The following ECM1 variants were observed in gnomAD, a reference collection of about 807,000 sequenced individuals.
The protein encoded by ECM1 is secretory component p85.
A neutral mutation model predicts 57.9 loss-of-function variants in ECM1; 54 were observed. That is an observed-to-expected ratio of 0.93 (90% CI 0.75 to 1.17). The LOEUF (loss-of-function observed/expected upper bound fraction) is 1.17, where lower values mean the gene tolerates loss of function less well. Among genes scored for constraint, ECM1 ranks in the 50% most tolerant of loss-of-function variants. ECM1 has a pLI of 0.00. For synonymous variants in ECM1, 237 were observed against 259.1 expected (o/e 0.91, Z 0.82); for missense variants, 649 against 688.1 (o/e 0.94, Z 0.64).
At position 150,513,387 on chromosome 1, in the gene ECM1, G is replaced by A; in HGVS notation, c.1543G>A (p.Glu515Lys). The change falls in exon 10 of 10, where the codon GAG (glutamate) becomes AAG (lysine). Residue 515 changes from glutamate to lysine, a missense_variant. Transcript: ENST00000369047. ...RNVALVSGDTENAKGQGEQGS... is the reference protein window; with the variant it reads ...RNVALVSGDTKNAKGQGEQGS... ...CGTGGCTCTAGTGTCTGGAGACACT[G>A]AGAACGCCAAGGGCCAGGGGGAGCA... 8 of 1,614,198 alleles carry A rather than the reference G, an allele frequency of 5.0e-6. No individual in the cohort carries two copies. The highest frequency in any genetic ancestry group is 6.8e-6 in the Non-Finnish European group (8 of 1,180,026).
intron 9 of ECM1, 140 bp from the exon 10 acceptor site, chr1:150,513,097 C>A: frequency 1.1e-6 from 1 of 929,136 alleles, no homozygotes; most frequent in Non-Finnish European, 1.7e-6. Context: ...CAGTCTTGTA[C>A]TCTCTCTGGG....
intron 1 of ECM1, among the ~76,000 whole-genome samples, chr1:150,508,655 A>G (rs1191925737): frequency 6.6e-6 from 1 of 152,102 alleles, no homozygotes; most frequent in Non-Finnish European, 1.5e-5. Context: ...TGGCCCAGCA[A>G]GCCTCGACTG....
At position 150,508,171 on chromosome 1, in the gene ECM1, G is replaced by A. The variant is rs899665824; in HGVS notation, c.-39G>A. On this transcript the variant is annotated 5_prime_UTR_variant, in exon 1 of 10. Transcript: ENST00000369047. ...CCTTCACATCCAGACTTGCCTGAGA[G>A]GACCCACCTCTGAGTGTCCAGTGGT... 1 of 1,608,522 alleles carries A rather than the reference G, an allele frequency of 6.2e-7. No homozygotes were observed. Among genetic ancestry groups the A allele is most frequent in the Non-Finnish European group, 8.5e-7 (1 of 1,175,160 alleles).
At chr1:150,512,233 T>G in intron 7 of ECM1, 119 bp from the exon 8 acceptor site, 1 of 1,169,992 alleles carries the variant, frequency 8.5e-7, no homozygotes, top group Non-Finnish European at 1.2e-6. Flanking sequence ...TGCCATTCCC[T>G]TTGGGCCTCT....
rs1670465474 is a variant in ECM1 at position 150,512,353 on chromosome 1, G to T, written c.1085G>T (p.Trp362Leu). The T allele has an allele frequency of 6.2e-7, 1 of 1,612,644 alleles. No homozygotes were observed. Among genetic ancestry groups the T allele is most frequent in the African/African-American group, 1.3e-5 (1 of 74,390 alleles). ...GNNHTCTWKA[W>L]EDTLDKYCDR... ...GACTTCCCTCTCTCTGGTCCACAGT[G>T]GGAGGATACCCTTGACAAATACTGT... Residue 362 changes from tryptophan to leucine, a missense_variant and splice_region_variant, in exon 8 of 10, where the codon TGG becomes TTG. Transcript: ENST00000369047.
chr1:150,510,638 C>A, intron 5 of ECM1: 5 of 609,482 alleles, frequency 8.2e-6, no homozygotes, highest in Admixed American at 2.7e-5. Context: ...GCAGGAAGCC[C>A]GAGCCTTGAG....
In ECM1 at chr1:150,511,786, G is replaced by T. The variant is rs1193868919; in HGVS notation, c.1038G>T (p.Gln346His). 3.1e-6 allele frequency: 5 copies of T among 1,613,058 alleles called. No homozygotes were observed. The African/African-American group carries it at 6.7e-5, about 22-fold the overall frequency. Residue 346 changes from glutamine (Q) to histidine (H), a missense_variant, in exon 7 of 10, where the codon CAG becomes CAT. Transcript: ENST00000369047. ...LALIQLEREF[Q>H]RCCRQGNNHT... ...TGATCCAGCTGGAGAGGGAGTTCCA[G>T]CGCTGCTGCCGCCAGGGGAACAATC...
intron 1 of ECM1, 79 bp downstream of exon 1, chr1:150,508,358 C>T (rs780884730): frequency 4.5e-6 from 6 of 1,331,820 alleles, no homozygotes; most frequent in Non-Finnish European, 6.5e-6. Context: ...CCAGACGGCT[C>T]ATCACTAGCA....
At chr1:150,508,337 G>T in intron 1 of ECM1, 58 bp downstream of exon 1, 1 of 1,512,544 alleles carries the variant, frequency 6.6e-7, no homozygotes, top group Non-Finnish European at 9.2e-7. Context: ...AGGGGTCTGG[G>T]TCCAGGCATC....
chr1:150,512,214 C>A, intron 7 of ECM1, 138 bp from the exon 8 acceptor site: 1 of 959,886 alleles, frequency 1.0e-6, no homozygotes. Context: ...TCCTAACCCT[C>A]TACTTTTTTG....
rs754266091 is a variant in ECM1, at chr1:150,510,020, C to G, written c.304+18C>G. ...AAAGGAAGGTGAGCGCTTGCCCACC[C>G]TCCCTCACCTCTATCCCACTATGGA... On this transcript the variant is annotated intron_variant, in intron 4 of 9. Coordinates refer to ENST00000369047, the MANE Select transcript of ECM1 (RefSeq NM_004425.4). 1 of 1,614,112 alleles carries G rather than the reference C, an allele frequency of 6.2e-7. No individual in the cohort carries two copies. Among genetic ancestry groups the G allele is most frequent in the South Asian group, 1.1e-5 (1 of 91,072 alleles).
At position 150,513,018 on chromosome 1, in the gene ECM1, C is replaced by T. The variant is rs113188273; in HGVS notation, c.1392+206C>T. Among the ~76,000 whole-genome samples the T allele has an allele frequency of 2.9e-3, 439 of 152,302 alleles. 2 individuals carry two copies. Among genetic ancestry groups the T allele is most frequent in the African/African-American group, 9.1e-3 (379 of 41,576 alleles). On this transcript the variant is annotated intron_variant, in intron 9 of 9. Coordinates refer to ENST00000369047, the MANE Select transcript of ECM1 (RefSeq NM_004425.4). ...CTCTAAGTTCCTATTATGCCTTCTC[C>T]GGGCCACAAGCTTCTGGCATTTCCA...
Position 150,512,820 on chromosome 1 carries a change from T to C in ECM1, c.1392+8T>C. On this transcript the variant is annotated splice_region_variant and intron_variant, in intron 9 of 9. Coordinates refer to ENST00000369047, the MANE Select transcript of ECM1 (RefSeq NM_004425.4). ...TGCTGTGCAGAGGAGGAGGTGAGTG[T>C]GTGGAGTCTAGTCTCCAGAGGAATG... The C allele has an allele frequency of 6.2e-7, 1 of 1,613,922 alleles. No individual in the cohort carries two copies. The highest frequency in any genetic ancestry group is 8.5e-7 in the Non-Finnish European group (1 of 1,179,870).
chr1:150,510,311 T>C (rs1240472869), intron 5 of ECM1, 129 bp downstream of exon 5: 3 of 854,426 alleles, frequency 3.5e-6, no homozygotes, highest in Non-Finnish European at 5.9e-6. Context: ...AGTTACATAC[T>C]TCTCCAAGCC....
chr1:150,512,504 T>C lies in ECM1; in HGVS notation c.1236T>C (p.Ile412=), dbSNP rs776158242. 1 of 1,613,908 alleles carries C rather than the reference T, an allele frequency of 6.2e-7. No homozygotes were observed. The highest frequency in any genetic ancestry group is 1.3e-5 in the African/African-American group (1 of 74,948). Residue 412 remains isoleucine, a synonymous_variant, in exon 8 of 10, where the codon ATT becomes ATC. Transcript: ENST00000369047. ...YPNYDRDILT[I]DIGRVTPNLM... ...ACTATGACCGGGACATCTTGACCAT[T>C]GACATCGGTCGAGTCACCCCCAACC...
At position 150,512,321 on chromosome 1, in the gene ECM1, A is replaced by G. The variant is rs368325869; in HGVS notation, c.1084-31A>G. ...TCAGGAGAGAAGGGGCCAAGTGTCCAGCTTCTGACTTCCCTCTCTCTGGTC... is the reference window on the plus strand; with the variant it reads ...TCAGGAGAGAAGGGGCCAAGTGTCCGGCTTCTGACTTCCCTCTCTCTGGTC... On this transcript the variant is annotated intron_variant, in intron 7 of 9. Coordinates refer to ENST00000369047, the MANE Select transcript of ECM1 (RefSeq NM_004425.4). 5 of 1,608,928 alleles carry G rather than the reference A, an allele frequency of 3.1e-6. No homozygotes were observed. In the African/African-American group the frequency reaches 5.4e-5, roughly 17 times the overall value.
At chr1:150,509,193 C>A (rs1670361417) in intron 1 of ECM1, 1 of 427,048 alleles carries the variant, frequency 2.3e-6, no homozygotes, top group Non-Finnish European at 4.4e-6. Flanking sequence ...CCAGCAGAGA[C>A]TGGGGAGGAC....
chr1:150,509,285 C>T, intron 1 of ECM1: 2 of 593,064 alleles, frequency 3.4e-6, no homozygotes, highest in Non-Finnish European at 6.1e-6. Context: ...CCCTTTAGGC[C>T]CAACCTCTGA....
Position 150,508,215 on chromosome 1 carries a change from G to C in ECM1, c.6G>C (p.Gly2=). Residue 2 remains glycine, a synonymous_variant, in exon 1 of 10, where the codon GGG becomes GGC. Transcript: ENST00000369047. ...CAGTGGTCAGTTGCCCCAGGATGGG[G>C]ACCACAGCCAGAGCAGCCTTGGTCT... is the stretch of plus-strand genomic sequence containing the variant. The part of the protein sequence containing the change: M[G]TTARAALVLT... 6.2e-7 allele frequency: 1 copy of C among 1,614,096 alleles called. No homozygotes were observed. Among genetic ancestry groups the C allele is most frequent in the South Asian group, 1.1e-5 (1 of 91,082 alleles).
Sources: gnomAD v4.1 joint callset for allele counts (sites outside exome capture counted in the v4.1 genomes callset) on GRCh38, gnomAD v4.1.1 for gene constraint, MANE v1.5 for transcripts, NCBI Gene and HGNC (gene_info 2026-07-23, HGNC 2026-07-21) for gene names.